MYO9A: variants seen among roughly 807,000 people sequenced by gnomAD.
MYO9A encodes unconventional myosin-IXa.
Under a neutral mutation model 293.3 loss-of-function variants are expected in MYO9A, and 103 were observed. The ratio of observed to expected loss-of-function variants is 0.35; its 90% CI spans 0.30 to 0.41. The LOEUF (loss-of-function observed/expected upper bound fraction) is 0.41, where lower values mean the gene tolerates loss of function less well. MYO9A is among the 10% of genes least tolerant of loss of function. The pLI is 1.00. For missense variants in MYO9A, 2,685 were observed against 3,033.0 expected (o/e 0.89, Z 2.69); for synonymous variants, 1,001 against 1,035.7 (o/e 0.97, Z 0.64).
chr15:71,876,656 G>T (rs555422095), intron 31 of MYO9A, among the ~76,000 whole-genome samples: 1 of 149,868 alleles, frequency 6.7e-6, no homozygotes, highest in African/African-American at 2.5e-5. Flanking sequence ...GTCTGGTCTC[G>T]ATCTCCCGAC....
At chr15:72,045,353 TC>T (rs2078353764) in intron 2 of MYO9A, 1 of 159,136 alleles carries the variant, frequency 6.3e-6, no homozygotes, top group Non-Finnish European at 1.4e-5. Flanking sequence ...AACCTCTGCC[TC>T]CCAGGTTCAA....
chr15:71,861,679 T>TAA (rs66598621), intron 33 of MYO9A, among the ~76,000 whole-genome samples: 2,838 of 79,088 alleles, frequency 0.036, 58 homozygotes, highest in African/African-American at 0.07. Context: ...ACTGATGATA[T>TAA]AAAAAAAAAA....
At chr15:71,953,721 C>T (rs915260037) in intron 14 of MYO9A, 2 of 152,096 alleles carry the variant, frequency 1.3e-5, no homozygotes, top group East Asian at 1.9e-4. Context: ...CAGTTTTGAA[C>T]GTTATTTTCC....
intron 39 of MYO9A, among the ~76,000 whole-genome samples, chr15:71,841,069 T>A (rs956939853): frequency 3.3e-5 from 5 of 152,272 alleles, no homozygotes; most frequent in African/African-American, 1.2e-4. Context: ...AGTGATTGTT[T>A]GCATAAGTAA....
chr15:71,935,631 C>T, intron 16 of MYO9A, 147 bp from the exon 17 acceptor site: 1 of 726,724 alleles, frequency 1.4e-6, no homozygotes, highest in Non-Finnish European at 2.1e-6. Flanking sequence ...CAAATGACTG[C>T]CAATCAGTTG....
At chr15:71,988,446 A>G (rs1331341382) in intron 11 of MYO9A, among the ~76,000 whole-genome samples, 1 of 152,256 alleles carries the variant, frequency 6.6e-6, no homozygotes, top group Non-Finnish European at 1.5e-5. Context: ...GTGTTAGCTA[A>G]TATTATAACA....
chr15:71,867,405 T>G (rs2056366514), intron 32 of MYO9A, among the ~76,000 whole-genome samples: 1 of 152,142 alleles, frequency 6.6e-6, no homozygotes, highest in Non-Finnish European at 1.5e-5. Context: ...TTTAATTTCT[T>G]AAAAATCTTC....
chr15:71,975,390 CGTGTGTGTGTGTGT>C (rs57800508), intron 12 of MYO9A, among the ~76,000 whole-genome samples: 3 of 86,674 alleles, frequency 3.5e-5, no homozygotes, highest in Admixed American at 1.3e-4. Context: ...GTGATTTTAT[CGTGTGTGTGTGTGT>C]GTGTGTGTGT....
At chr15:72,046,854 A>G (rs151044377) in intron 1 of MYO9A, among the ~76,000 whole-genome samples, 1,945 of 152,304 alleles carry the variant, frequency 0.013, 28 homozygotes, top group African/African-American at 0.02. Context: ...AAAAAAACAT[A>G]TATTTCAATG....
intron 1 of MYO9A, among the ~76,000 whole-genome samples, chr15:72,084,018 C>A (rs2079634544): frequency 6.6e-6 from 1 of 152,098 alleles, no homozygotes; most frequent in East Asian, 1.9e-4. Flanking sequence ...TCCATCTGAT[C>A]CAGTGCTGAG....
chr15:72,053,078 C>T (rs970375044), intron 1 of MYO9A, among the ~76,000 whole-genome samples: 2 of 152,176 alleles, frequency 1.3e-5, no homozygotes, highest in African/African-American at 4.8e-5. Context: ...ATTCTGCTGA[C>T]GGTTGTTCTA....
At position 72,046,423 on chromosome 15, in the gene MYO9A, C is replaced by T. The variant is rs1355468118; in HGVS notation, c.141G>A (p.Glu47=). 10 of 1,614,026 alleles carry T rather than the reference C, an allele frequency of 6.2e-6. No individual in the cohort carries two copies. Among genetic ancestry groups the T allele is most frequent in the Middle Eastern group, 1.6e-4 (1 of 6,084 alleles). Residue 47 remains glutamate, a synonymous_variant, in exon 2 of 42, where the codon GAG becomes GAA. Transcript: ENST00000356056. ...RKNSTAAEVI[E]SLINKLHLDK... ...CAAGATGAAGTTTGTTTATAAGAGA[C>T]TCAATCACCTCAGCAGCTGTGGAGT...
intron 19 of MYO9A, among the ~76,000 whole-genome samples, chr15:71,906,754 C>CTTTCTTTTTTTTTTTTTTCT (rs2057656453): frequency 2.4e-5 from 1 of 40,938 alleles, no homozygotes; most frequent in Admixed American, 2.3e-4. Context: ...ATATCCATTT[C>CTTTCTTTTTTTTTTTTTTCT]TTTCTTTTTT....
Position 71,826,991 on chromosome 15 carries a change from G to A in MYO9A, c.7236C>T (p.Ser2412=), listed in dbSNP as rs1567172434. ...SLKTAGKSEP[S]SKLRKQLKKQ... is the part of the protein sequence containing the mutation. ...TTTTAAGTTGCTTTCGCAACTTGCT[G>A]GAAGGTTCAGACTTGCCAGCTGTCT... Residue 2412 remains serine, a synonymous_variant, in exon 42 of 42, where the codon TCC becomes TCT. Coordinates refer to ENST00000356056, the MANE Select transcript of MYO9A (RefSeq NM_006901.4). 1.2e-6 allele frequency: 2 copies of A among 1,612,730 alleles called. No individual in the cohort carries two copies. The highest frequency in any genetic ancestry group is 2.2e-5 in the South Asian group (2 of 90,824).
intron 2 of MYO9A, among the ~76,000 whole-genome samples, chr15:72,035,264 C>A (rs1441579833): frequency 6.6e-6 from 1 of 152,136 alleles, no homozygotes; most frequent in Non-Finnish European, 1.5e-5. Flanking sequence ...CCCAGCGATA[C>A]CCCTCCTGGC....
chr15:72,074,112 C>G (rs2079273970), intron 1 of MYO9A, among the ~76,000 whole-genome samples: 2 of 152,016 alleles, frequency 1.3e-5, no homozygotes, highest in African/African-American at 4.8e-5. Context: ...AAAAAATTAA[C>G]TGATGGAAAT....
At chr15:72,039,568 T>C (rs2078163242) in intron 2 of MYO9A, among the ~76,000 whole-genome samples, 1 of 152,114 alleles carries the variant, frequency 6.6e-6, no homozygotes, top group Non-Finnish European at 1.5e-5. Context: ...CAGTGGCTCA[T>C]GCCTGTAATC....
intron 18 of MYO9A, among the ~76,000 whole-genome samples, chr15:71,931,647 GT>G (rs2058479468): frequency 6.6e-6 from 1 of 152,114 alleles, no homozygotes; most frequent in African/African-American, 2.4e-5. Flanking sequence ...GGCTTGAGTA[GT>G]TTTCTGCCTT....
At chr15:71,941,370 G>T (rs1007339808) in intron 15 of MYO9A, among the ~76,000 whole-genome samples, 1 of 152,136 alleles carries the variant, frequency 6.6e-6, no homozygotes, top group Non-Finnish European at 1.5e-5. Context: ...AGAAGGCAGA[G>T]GTTGCAGTGA....
Sources: gnomAD v4.1 joint callset for allele counts (sites outside exome capture counted in the v4.1 genomes callset) on GRCh38, gnomAD v4.1.1 for gene constraint, MANE v1.5 for transcripts, NCBI Gene and HGNC (gene_info 2026-07-23, HGNC 2026-07-21) for gene names.